Variants in GRM5 observed in about 807,000 individuals in gnomAD.
GRM5 encodes the protein metabotropic glutamate receptor 5.
A neutral mutation model predicts 83.1 loss-of-function variants in GRM5; 19 were observed. That is an observed-to-expected ratio of 0.23 (90% confidence interval 0.16 to 0.34). GRM5 has a LOEUF of 0.34. Among genes scored for constraint, GRM5 ranks in the 10% least tolerant of loss-of-function variants. The pLI is 1.00. For missense variants in GRM5, 1,160 were observed against 1,588.3 expected, an observed-to-expected ratio of 0.73 and a Z score of 4.58; for synonymous variants, 675 against 633.6, an observed-to-expected ratio of 1.07 and a Z score of -0.98.
At chr11:88,962,228 G>A (rs1482422846) in intron 2 of GRM5, among the ~76,000 whole-genome samples, 1 of 152,068 alleles carries the variant, frequency 6.6e-6, no homozygotes, top group Admixed American at 6.5e-5. Flanking sequence ...ATACACTTAT[G>A]CATCAGTTTA....
At chr11:88,674,497 C>G (rs1940273777) in intron 3 of GRM5, among the ~76,000 whole-genome samples, 1 of 151,898 alleles carries the variant, frequency 6.6e-6, no homozygotes, top group Non-Finnish European at 1.5e-5. Context: ...AGAGGAACCT[C>G]CAATAAAACT....
At chr11:88,745,441 A>G (rs1383215306) in intron 3 of GRM5, among the ~76,000 whole-genome samples, 1 of 152,028 alleles carries the variant, frequency 6.6e-6, no homozygotes, top group Non-Finnish European at 1.5e-5. Flanking sequence ...CCTGAGATCA[A>G]GCTATCCACC....
At chr11:88,524,411 T>G (rs1336264166) in intron 9 of GRM5, among the ~76,000 whole-genome samples, 1 of 151,762 alleles carries the variant, frequency 6.6e-6, no homozygotes, top group Non-Finnish European at 1.5e-5. Flanking sequence ...AGAGACGGGG[T>G]TTCACCACAT....
intron 3 of GRM5, among the ~76,000 whole-genome samples, chr11:88,707,015 G>A (rs750554917): frequency 6.6e-6 from 1 of 152,004 alleles, no homozygotes; most frequent in Non-Finnish European, 1.5e-5. Flanking sequence ...ATTTCTGCTG[G>A]AAGTGCTCCA....
chr11:88,937,875 A>G (rs1279251715), intron 2 of GRM5, among the ~76,000 whole-genome samples: 1 of 151,740 alleles, frequency 6.6e-6, no homozygotes, highest in African/African-American at 2.4e-5. Flanking sequence ...TGTATCTCAC[A>G]CTATCACTGT....
chr11:88,823,222 T>A (rs1193833448), intron 3 of GRM5, among the ~76,000 whole-genome samples: 13 of 151,228 alleles, frequency 8.6e-5, no homozygotes, highest in Admixed American at 8.5e-4. Flanking sequence ...GACCTTATTA[T>A]ATTCCTTTGT....
chr11:89,009,225 G>A, intron 2 of GRM5: 1 of 560,860 alleles, frequency 1.8e-6, no homozygotes. Flanking sequence ...ATACCAAGAT[G>A]TAATGTCACT....
chr11:88,838,976 T>G (rs1277077942), intron 3 of GRM5, among the ~76,000 whole-genome samples: 1 of 135,356 alleles, frequency 7.4e-6, no homozygotes, highest in Admixed American at 7.5e-5. Flanking sequence ...ATTTTTCTAT[T>G]TCTAAACTTT....
intron 1 of GRM5, among the ~76,000 whole-genome samples, chr11:89,056,622 G>A (rs1203461741): frequency 6.6e-6 from 1 of 152,036 alleles, no homozygotes; most frequent in Non-Finnish European, 1.5e-5. Context: ...AGATGGTGGG[G>A]ATAATATGTC....
chr11:88,835,021 T>C (rs1944067355), intron 3 of GRM5, among the ~76,000 whole-genome samples: 1 of 152,156 alleles, frequency 6.6e-6, no homozygotes, highest in East Asian at 1.9e-4. Context: ...ATATCTACAA[T>C]GTGTTAGGTA....
chr11:88,684,587 T>C lies in GRM5; in HGVS notation c.912-31184A>G, dbSNP rs976479832. On this transcript the variant is annotated intron_variant, in intron 3 of 9. Coordinates refer to ENST00000305447, the MANE Select transcript of GRM5 (RefSeq NM_001143831.3). ...GGTAGAAACATAACTGAGGTGGAAG[T>C]GTCTGGTGCTGAAGCAAGGTTTAGA... Among the ~76,000 whole-genome samples, 19 of 152,258 alleles carry C rather than the reference T, an allele frequency of 1.2e-4. 1 individual carries two copies. Among genetic ancestry groups the C allele is most frequent in the Admixed American group, 1.2e-3 (18 of 15,300 alleles).
At chr11:88,635,323 G>A (rs1335008015) in intron 4 of GRM5, among the ~76,000 whole-genome samples, 1 of 152,034 alleles carries the variant, frequency 6.6e-6, no homozygotes. Flanking sequence ...CTACACCCTT[G>A]CCAACACGTC....
chr11:88,773,785 G>T (rs773246875), intron 3 of GRM5, among the ~76,000 whole-genome samples: 1 of 151,994 alleles, frequency 6.6e-6, no homozygotes, highest in Non-Finnish European at 1.5e-5. Context: ...TATTTCTGAG[G>T]CCTCTATTCT....
At chr11:88,648,983 T>A (rs1939547276) in intron 4 of GRM5, among the ~76,000 whole-genome samples, 1 of 146,056 alleles carries the variant, frequency 6.8e-6, no homozygotes, top group South Asian at 2.1e-4. Flanking sequence ...CTGGAAACCC[T>A]AAGAAAGTAA....
At chr11:88,844,946 A>G (rs964624993) in intron 3 of GRM5, among the ~76,000 whole-genome samples, 8 of 152,228 alleles carry the variant, frequency 5.3e-5, no homozygotes, top group Admixed American at 2.0e-4. Flanking sequence ...TGGTTTCTTG[A>G]GGCGGAATAT....
rs767678359 is a variant in GRM5 at position 88,904,682 on chromosome 11, A to G, written c.662-54527T>C. On this transcript the variant is annotated intron_variant, in intron 2 of 9. Transcript: ENST00000305447. ...ACAATGTGTATCTTACATAACCATTATATACATATTCCATCCTATATGTGC... is the reference window on the plus strand; with the variant it reads ...ACAATGTGTATCTTACATAACCATTGTATACATATTCCATCCTATATGTGC... 3.9e-5 allele frequency among the ~76,000 whole-genome samples: 6 copies of G among 152,278 alleles called. No individual in the cohort carries two copies. The East Asian group carries it at 1.2e-3, about 29-fold the overall frequency.
In GRM5 at chr11:88,562,695, G is replaced by A. The variant is rs181169167; in HGVS notation, c.2630+4358C>T. On this transcript the variant is annotated intron_variant, in intron 8 of 9. Transcript: ENST00000305447. ...TCTTCCTTCTGCGACTGCTACCACC[G>A]TGACTACTACTAGGTGCTAACATTT... is the stretch of plus-strand genomic sequence containing the variant. Among the ~76,000 whole-genome samples the A allele has an allele frequency of 9.1e-4, 138 of 151,300 alleles. 1 individual carries two copies. Among genetic ancestry groups the A allele is most frequent in the African/African-American group, 3.3e-3 (137 of 41,210 alleles).
chr11:88,612,529 T>C (rs185106190), intron 4 of GRM5, among the ~76,000 whole-genome samples: 1 of 152,326 alleles, frequency 6.6e-6, no homozygotes, highest in East Asian at 1.9e-4. Context: ...TCTAGATCCC[T>C]GAGGAGTAGC....
At chr11:88,988,258 C>T (rs1432381276) in intron 2 of GRM5, among the ~76,000 whole-genome samples, 1 of 151,852 alleles carries the variant, frequency 6.6e-6, no homozygotes, top group Non-Finnish European at 1.5e-5. Flanking sequence ...GAAAGGGTAC[C>T]AGCGATGGAA....
Sources: allele counts gnomAD v4.1 joint callset (sites outside exome capture counted in the v4.1 genomes callset), GRCh38; gene constraint gnomAD v4.1.1; transcripts MANE v1.5; gene names NCBI Gene and HGNC (gene_info 2026-07-23, HGNC 2026-07-21).